The following CEP63 variants were observed in gnomAD, a reference collection of about 807,000 sequenced individuals.
CEP63 encodes the protein centrosomal protein of 63 kDa.
Under a neutral mutation model 89.1 loss-of-function variants are expected in CEP63, and 84 were observed. The observed-to-expected ratio is 0.94, with a 90% CI of 0.79 to 1.13. CEP63 has a LOEUF of 1.13. CEP63 is among the 50% of genes most tolerant of loss of function. The probability of loss-of-function intolerance (pLI) is 0.00; values close to 1 mark genes in which losing one functional copy is unlikely to be tolerated. For synonymous variants in CEP63, 267 were observed against 272.5 expected, an observed-to-expected ratio of 0.98 and a Z score of 0.20; for missense variants, 838 against 813.3, an observed-to-expected ratio of 1.03 and a Z score of -0.37.
downstream of CEP63, among the ~76,000 whole-genome samples, chr3:134,591,636 G>A (rs1315238620): frequency 1.3e-5 from 2 of 152,014 alleles, no homozygotes; most frequent in African/African-American, 4.8e-5. Context: ...TGGGTGGAGT[G>A]CTTGAGCTCA....
At chr3:134,722,824 A>C in the CEP63 span, among the ~76,000 whole-genome samples, 1 of 152,206 alleles carries the variant, frequency 6.6e-6, no homozygotes, top group Non-Finnish European at 1.5e-5. Flanking sequence ...TTATCAGGGC[A>C]CTAGTCATGC....
At chr3:134,691,262 C>G in the CEP63 span, among the ~76,000 whole-genome samples, 2 of 151,880 alleles carry the variant, frequency 1.3e-5, no homozygotes, top group Admixed American at 6.6e-5. Flanking sequence ...GGAGGCTGAG[C>G]TGGGAGGATC....
At chr3:134,548,153 A>G (rs535112534) in intron 9 of CEP63, among the ~76,000 whole-genome samples, 24 of 152,298 alleles carry the variant, frequency 1.6e-4, no homozygotes, top group Middle Eastern at 3.4e-3. Context: ...GGGAAAAACC[A>G]TCCCTTAATC....
the CEP63 span, among the ~76,000 whole-genome samples, chr3:134,775,393 G>T: frequency 6.6e-6 from 1 of 152,144 alleles, no homozygotes; most frequent in Admixed American, 6.5e-5. Context: ...AGGTAAGGGG[G>T]CCAGCCTTTG....
chr3:134,603,580 C>T, the CEP63 span: 3 of 1,572,460 alleles, frequency 1.9e-6, no homozygotes, highest in East Asian at 2.3e-5. Context: ...GCACAGCCCT[C>T]ACTGGGCATT....
the CEP63 span, among the ~76,000 whole-genome samples, chr3:134,649,355 T>A: frequency 6.6e-6 from 1 of 152,200 alleles, no homozygotes; most frequent in Non-Finnish European, 1.5e-5. Context: ...TCTGCATTCT[T>A]TGCCCTTTCT....
intron 12 of CEP63, among the ~76,000 whole-genome samples, chr3:134,556,104 A>T (rs1405918431): frequency 1.3e-5 from 2 of 148,906 alleles, no homozygotes; most frequent in African/African-American, 5.0e-5. Context: ...CCTTCCTTAC[A>T]CCTTATACAA....
the CEP63 span, among the ~76,000 whole-genome samples, chr3:134,772,281 G>GA: frequency 0.85 from 129,386 of 152,190 alleles, 55,069 homozygotes; most frequent in East Asian, 0.92. Context: ...CCGTGCAGCT[G>GA]TGCAGGGCTG....
At chr3:134,509,920 C>T (rs775768994) in intron 3 of CEP63, among the ~76,000 whole-genome samples, 5 of 152,100 alleles carry the variant, frequency 3.3e-5, no homozygotes, top group Non-Finnish European at 7.4e-5. Context: ...CAGAAATACA[C>T]AAAGCAATTA....
chr3:134,581,128 C>T (rs1232590633), intron 10 of CEP63, among the ~76,000 whole-genome samples: 1 of 152,172 alleles, frequency 6.6e-6, no homozygotes, highest in African/African-American at 2.4e-5. Context: ...CTCCCATAGA[C>T]CTTCCAGGAA....
chr3:134,731,170 C>T, the CEP63 span, among the ~76,000 whole-genome samples: 1 of 152,104 alleles, frequency 6.6e-6, no homozygotes, highest in Non-Finnish European at 1.5e-5. Context: ...ACACAACACA[C>T]TGGGAAATTT....
At chr3:134,725,449 C>T in the CEP63 span, among the ~76,000 whole-genome samples, 2 of 152,096 alleles carry the variant, frequency 1.3e-5, no homozygotes, top group Non-Finnish European at 2.9e-5. Flanking sequence ...AAGCCCTGCT[C>T]CCCACCGAAG....
the CEP63 span, among the ~76,000 whole-genome samples, chr3:134,775,914 G>T: frequency 2.6e-5 from 4 of 152,106 alleles, no homozygotes; most frequent in Admixed American, 2.6e-4. Flanking sequence ...CTTTCTTTCT[G>T]CAGGCACCCC....
the CEP63 span, chr3:134,608,621 A>G: frequency 6.2e-7 from 1 of 1,613,980 alleles, no homozygotes; most frequent in Non-Finnish European, 8.5e-7. Context: ...TCCTGCTGCT[A>G]GCACACTGGC....
Position 134,561,806 on chromosome 3 carries a change from A to G in CEP63, c.*271A>G. 8.0e-7 allele frequency: 1 copy of G among 1,243,312 alleles called. No homozygotes were observed. Among genetic ancestry groups the G allele is most frequent in the Non-Finnish European group, 1.0e-6 (1 of 984,698 alleles). The allele number at this position is 1,243,312 out of a possible 1,614,324, so 77.0% of individuals were successfully genotyped here. A position where few individuals can be genotyped will look rare whatever the true frequency, so the allele number is the denominator to read the frequency against. On this transcript the variant is annotated 3_prime_UTR_variant, in exon 15 of 15. Transcript: ENST00000675561. ...CGAATATTTATTATCATAAAGTGAT[A>G]CTTACCTTGCTGACTTAAATGTGAA...
the CEP63 span, chr3:134,643,463 A>C: frequency 8.2e-7 from 1 of 1,214,510 alleles, no homozygotes; most frequent in Non-Finnish European, 1.2e-6. Context: ...GTTTGCGGGA[A>C]AGGTGGGCTG....
chr3:134,697,546 C>G, the CEP63 span, among the ~76,000 whole-genome samples: 1 of 152,180 alleles, frequency 6.6e-6, no homozygotes, highest in East Asian at 1.9e-4. Context: ...CCTTCCATGG[C>G]ATTCCTATGA....
chr3:134,679,010 T>C, the CEP63 span, among the ~76,000 whole-genome samples: 22 of 151,502 alleles, frequency 1.5e-4, no homozygotes, highest in Non-Finnish European at 2.6e-4. Flanking sequence ...AGAAAGCTGG[T>C]GATGTATAGA....
the CEP63 span, among the ~76,000 whole-genome samples, chr3:134,716,730 A>T: frequency 2.9e-4 from 44 of 151,698 alleles, no homozygotes; most frequent in African/African-American, 1.1e-3. Flanking sequence ...CACAACAGCC[A>T]CCCCCCCAAT....
Sources: gnomAD v4.1 joint callset for allele counts (sites outside exome capture counted in the v4.1 genomes callset) on GRCh38, gnomAD v4.1.1 for gene constraint, MANE v1.5 for transcripts, NCBI Gene and HGNC (gene_info 2026-07-23, HGNC 2026-07-21) for gene names.